The following CAST variants were observed in gnomAD, a reference collection of about 807,000 sequenced individuals.
CAST encodes the protein MIR583 host.
In CAST, 76 loss-of-function variants were observed where a neutral mutation model predicts 119.6. The observed-to-expected ratio is 0.64, with a 90% CI of 0.53 to 0.77. The LOEUF (loss-of-function observed/expected upper bound fraction) is 0.77. Ranked by LOEUF, CAST falls within the 30% of genes least tolerant of loss-of-function variation. The pLI, the probability that CAST is intolerant of heterozygous loss-of-function variation, is 0.00. For synonymous variants in CAST, 319 were observed against 331.6 expected, an observed-to-expected ratio of 0.96 and a Z score of 0.41; for missense variants, 953 against 946.5, an observed-to-expected ratio of 1.01 and a Z score of -0.09.
intron 1 of CAST, among the ~76,000 whole-genome samples, chr5:96,588,765 A>G (rs1022981455): frequency 2.0e-5 from 3 of 152,312 alleles, no homozygotes; most frequent in East Asian, 1.9e-4. Context: ...CTACTCATCC[A>G]TAGTCATTCA....
chr5:96,110,505 G>T, the CAST span, among the ~76,000 whole-genome samples: 1 of 152,120 alleles, frequency 6.6e-6, no homozygotes, highest in East Asian at 1.9e-4. Flanking sequence ...GTTGTCAAGG[G>T]TCATAGTTTT....
In CAST at chr5:96,774,506, T is replaced by TATTA. The variant is rs1249033564; in HGVS notation, c.*1891_*1894dup. Reference sequence around the variant, plus strand: ...CACTTAGAGGCAAAGAACAATTTTTTATTATCAAAAAGGTTTCTGCACATT... The same window carrying TATTA: ...CACTTAGAGGCAAAGAACAATTTTTTATTAATTATCAAAAAGGTTTCTGCACATT... On this transcript the variant is annotated 3_prime_UTR_variant, in exon 32 of 32. Transcript: ENST00000675179. 2.0e-6 allele frequency: 2 copies of TATTA among 984,300 alleles called. No individual in the cohort carries two copies. The highest frequency in any genetic ancestry group is 2.4e-6 in the Non-Finnish European group (2 of 827,602). 61.0% of individuals were successfully genotyped at this position (984,300 alleles called of 1,614,324 possible).
At chr5:96,675,447 A>T (rs12522566) in intron 1 of CAST, 92 bp from the exon 2 acceptor site, 4 of 852,050 alleles carry the variant, frequency 4.7e-6, no homozygotes, top group African/African-American at 1.7e-5. Flanking sequence ...GTCGTTTTTT[A>T]AAAAAGGGTA....
chr5:96,253,013 G>A, the CAST span, among the ~76,000 whole-genome samples: 6 of 152,020 alleles, frequency 3.9e-5, no homozygotes, highest in Admixed American at 6.6e-5. Flanking sequence ...CATATTTAAA[G>A]GATTATTTAA....
At chr5:96,453,481 G>A in the CAST span, among the ~76,000 whole-genome samples, 1 of 152,140 alleles carries the variant, frequency 6.6e-6, no homozygotes, top group Admixed American at 6.5e-5. Context: ...AATCAAGAGT[G>A]GACTAATATA....
At chr5:96,195,355 T>C in the CAST span, among the ~76,000 whole-genome samples, 1 of 152,162 alleles carries the variant, frequency 6.6e-6, no homozygotes, top group African/African-American at 2.4e-5. Context: ...TACTGATTCC[T>C]GGACCTCAAC....
chr5:96,172,775 T>C, the CAST span, among the ~76,000 whole-genome samples: 4 of 152,326 alleles, frequency 2.6e-5, no homozygotes, highest in African/African-American at 7.2e-5. Context: ...ATAGATCCTC[T>C]AGGAGAGCCA....
chr5:96,766,253 TACC>T (rs1769901782), intron 27 of CAST, 108 bp downstream of exon 27: 2 of 655,142 alleles, frequency 3.1e-6, no homozygotes, highest in Non-Finnish European at 2.7e-6. Flanking sequence ...GCATAAAACA[TACC>T]ATGACTGACT....
chr5:96,478,747 G>A, the CAST span, among the ~76,000 whole-genome samples: 1 of 152,186 alleles, frequency 6.6e-6, no homozygotes, highest in Non-Finnish European at 1.5e-5. Flanking sequence ...CACATGCCCT[G>A]AGCATGACAG....
chr5:96,208,040 T>G, the CAST span, among the ~76,000 whole-genome samples: 1 of 151,872 alleles, frequency 6.6e-6, no homozygotes, highest in South Asian at 2.1e-4. Context: ...TATGTTTTCA[T>G]GAATTTAGCT....
the CAST span, among the ~76,000 whole-genome samples, chr5:96,015,804 A>AT: frequency 6.6e-6 from 1 of 152,194 alleles, no homozygotes; most frequent in Non-Finnish European, 1.5e-5. Flanking sequence ...AGGGATTTAA[A>AT]GACATTCAGA....
the CAST span, among the ~76,000 whole-genome samples, chr5:96,482,679 T>C: frequency 6.6e-6 from 1 of 152,164 alleles, no homozygotes; most frequent in East Asian, 1.9e-4. Flanking sequence ...TCCTGTCTGG[T>C]CATAGGATAA....
the CAST span, among the ~76,000 whole-genome samples, chr5:96,167,024 G>GA: frequency 7.6e-4 from 115 of 152,166 alleles, no homozygotes; most frequent in Middle Eastern, 3.4e-3. Context: ...GGGGTTGTTG[G>GA]AAGAAACATT....
chr5:96,149,951 C>CT, the CAST span, among the ~76,000 whole-genome samples: 481 of 151,660 alleles, frequency 3.2e-3, no homozygotes, highest in Non-Finnish European at 5.0e-3. Flanking sequence ...GTTCCCTCAT[C>CT]TTTTTTTTTC....
chr5:96,015,622 CTTATCCAGA>C, the CAST span, among the ~76,000 whole-genome samples: 1 of 152,084 alleles, frequency 6.6e-6, no homozygotes, highest in Admixed American at 6.6e-5. Context: ...ATTTGCCAAC[CTTATCCAGA>C]TAGTGAGGAT....
At chr5:96,121,893 A>G in the CAST span, among the ~76,000 whole-genome samples, 1 of 152,120 alleles carries the variant, frequency 6.6e-6, no homozygotes, top group South Asian at 2.1e-4. Flanking sequence ...ATTGAAACAA[A>G]TGATTGTGGT....
At chr5:96,632,025 A>AATTATTATTATTATT (rs3064173) in intron 1 of CAST, among the ~76,000 whole-genome samples, 9,453 of 149,656 alleles carry the variant, frequency 0.063, 309 homozygotes, top group East Asian at 0.097. Flanking sequence ...TCCTTTTAAA[A>AATTATTATTATTATT]ATTATTATTA....
At chr5:96,722,361 C>G (rs1758441499) in intron 3 of CAST, among the ~76,000 whole-genome samples, 1 of 152,128 alleles carries the variant, frequency 6.6e-6, no homozygotes, top group Non-Finnish European at 1.5e-5. Flanking sequence ...TAGTTGTTAA[C>G]TACTAAAGAA....
the CAST span, among the ~76,000 whole-genome samples, chr5:96,249,118 T>C: frequency 6.6e-6 from 1 of 152,134 alleles, no homozygotes; most frequent in Non-Finnish European, 1.5e-5. Context: ...TGTCATGGGG[T>C]GATATTTAGA....
Sources: allele counts gnomAD v4.1 joint callset (sites outside exome capture counted in the v4.1 genomes callset), GRCh38; gene constraint gnomAD v4.1.1; transcripts MANE v1.5; gene names NCBI Gene and HGNC (gene_info 2026-07-23, HGNC 2026-07-21).